The following HDAC4 variants were observed in gnomAD, a reference collection of about 807,000 sequenced individuals.
HDAC4 encodes the protein histone deacetylase A.
HDAC4 carries 16 observed loss-of-function variants against 135.1 expected under a neutral mutation model. That is an observed-to-expected ratio of 0.12 (90% CI 0.08 to 0.18). The LOEUF is 0.18. HDAC4 is among the 10% of genes least tolerant of loss of function. The probability of loss-of-function intolerance (pLI) is 1.00; values close to 1 mark genes in which losing one functional copy is unlikely to be tolerated. For missense variants in HDAC4, 1,143 were observed against 1,511.8 expected (o/e 0.76, Z 4.05); for synonymous variants, 685 against 653.4 (o/e 1.05, Z -0.74).
intron 3 of HDAC4, among the ~76,000 whole-genome samples, chr2:239,228,285 G>A (rs1040656628): frequency 2.0e-5 from 3 of 152,212 alleles, no homozygotes; most frequent in South Asian, 2.1e-4. Flanking sequence ...CAGGAAGACT[G>A]TGCTGCCCCC....
Position 239,051,912 on chromosome 2 carries a change from T to C in HDAC4, c.*1185A>G, listed in dbSNP as rs1028785048. The C allele has an allele frequency of 5.9e-5, 9 of 151,416 alleles. No homozygotes were observed. The highest frequency in any genetic ancestry group is 1.9e-4 in the African/African-American group (8 of 41,276). 9.4% of individuals were successfully genotyped at this position (151,416 alleles called of 1,614,324 possible). A position where few individuals can be genotyped will look rare whatever the true frequency, so the allele number is the denominator to read the frequency against. ...ATATTTTATCAAGATTTCATAAGAA[T>C]CAAGTAAGTTTCTTAGCTTGGAATA... On this transcript the variant is annotated 3_prime_UTR_variant, in exon 27 of 27. Transcript: ENST00000543185.
chr2:239,173,052 T>C (rs1396367745), intron 5 of HDAC4, among the ~76,000 whole-genome samples: 1 of 152,238 alleles, frequency 6.6e-6, no homozygotes, highest in Non-Finnish European at 1.5e-5. Flanking sequence ...AAGATGGCTT[T>C]AGCAGTAAGT....
intron 7 of HDAC4, among the ~76,000 whole-genome samples, chr2:239,145,217 T>C (rs1239581184): frequency 6.6e-6 from 1 of 152,152 alleles, no homozygotes; most frequent in African/African-American, 2.4e-5. Flanking sequence ...GTTGCACACT[T>C]TCTTGCTCGC....
intron 2 of HDAC4, among the ~76,000 whole-genome samples, chr2:239,312,426 C>T (rs2052926833): frequency 6.6e-6 from 1 of 152,204 alleles, no homozygotes; most frequent in Admixed American, 6.5e-5. Flanking sequence ...AGCCCACACG[C>T]AGGGCACGCA....
At chr2:239,329,801 C>T (rs888607915) in intron 2 of HDAC4, among the ~76,000 whole-genome samples, 3 of 152,140 alleles carry the variant, frequency 2.0e-5, no homozygotes, top group East Asian at 1.9e-4. Flanking sequence ...CGCTGGGCTC[C>T]GTGCCTGCCT....
chr2:239,316,119 C>A (rs1025809045), intron 2 of HDAC4, among the ~76,000 whole-genome samples: 1 of 152,214 alleles, frequency 6.6e-6, no homozygotes, highest in Admixed American at 6.5e-5. Context: ...TATCCTTCAT[C>A]TACCAAATCA....
At chr2:239,278,843 G>A (rs773813795) in intron 2 of HDAC4, among the ~76,000 whole-genome samples, 2 of 152,132 alleles carry the variant, frequency 1.3e-5, no homozygotes, top group African/African-American at 2.4e-5. Flanking sequence ...ATTGGGGCCG[G>A]GGCCGGGAAG....
At chr2:239,198,425 G>C (rs1559214761) in intron 3 of HDAC4, among the ~76,000 whole-genome samples, 1 of 152,202 alleles carries the variant, frequency 6.6e-6, no homozygotes. Flanking sequence ...CCTGGGACTA[G>C]AGGGTGAGAG....
intron 17 of HDAC4, among the ~76,000 whole-genome samples, chr2:239,090,661 A>AAT (rs1322038766): frequency 6.6e-6 from 1 of 151,526 alleles, no homozygotes; most frequent in East Asian, 1.9e-4. Flanking sequence ...AAAAAAAAAA[A>AAT]ACTGGAAACT....
At chr2:239,132,355 G>A (rs1441317097) in intron 11 of HDAC4, among the ~76,000 whole-genome samples, 2 of 152,226 alleles carry the variant, frequency 1.3e-5, no homozygotes, top group Admixed American at 6.5e-5. Flanking sequence ...CACTGGCTCC[G>A]AGGCTCCCTG....
At chr2:239,223,998 C>T (rs974582815) in intron 3 of HDAC4, among the ~76,000 whole-genome samples, 1 of 152,062 alleles carries the variant, frequency 6.6e-6, no homozygotes, top group Non-Finnish European at 1.5e-5. Context: ...AGCGCAGGCT[C>T]GCCAACGCCT....
At chr2:239,082,942 G>A (rs1288757342) in intron 20 of HDAC4, among the ~76,000 whole-genome samples, 3 of 152,240 alleles carry the variant, frequency 2.0e-5, no homozygotes, top group Non-Finnish European at 4.4e-5. Flanking sequence ...TGCCTGAGAA[G>A]ACAGCATGCA....
intron 1 of HDAC4, among the ~76,000 whole-genome samples, chr2:239,374,799 GA>G (rs1383714634): frequency 3.3e-5 from 5 of 152,210 alleles, no homozygotes; most frequent in Non-Finnish European, 7.3e-5. Context: ...TCAAATTTCA[GA>G]TAAAATGAAA....
intron 3 of HDAC4, among the ~76,000 whole-genome samples, chr2:239,200,683 A>G (rs80072231): frequency 1.3e-5 from 2 of 152,378 alleles, no homozygotes; most frequent in African/African-American, 2.4e-5. Flanking sequence ...ATGTAAAGAA[A>G]TAAATGCAAA....
chr2:239,385,142 G>A (rs758047904), intron 1 of HDAC4, among the ~76,000 whole-genome samples: 8 of 152,210 alleles, frequency 5.3e-5, no homozygotes, highest in African/African-American at 1.7e-4. Flanking sequence ...TGGCACAATC[G>A]GAGGCCCATA....
chr2:239,197,882 T>TGTGTGTGTGTGTGTGC (rs796837146), intron 3 of HDAC4, among the ~76,000 whole-genome samples: 14 of 150,304 alleles, frequency 9.3e-5, no homozygotes, highest in African/African-American at 3.0e-4. Context: ...TGTGTGTGTG[T>TGTGTGTGTGTGTGTGC]GCTGAGTGTC....
chr2:239,136,716 A>T (rs2152890639), intron 9 of HDAC4, among the ~76,000 whole-genome samples: 1 of 152,340 alleles, frequency 6.6e-6, no homozygotes, highest in East Asian at 1.9e-4. Context: ...CCAGTATAAA[A>T]GTGGGCCAAG....
intron 3 of HDAC4, among the ~76,000 whole-genome samples, chr2:239,219,583 C>G (rs1173576234): frequency 2.6e-5 from 4 of 151,694 alleles, no homozygotes; most frequent in Non-Finnish European, 5.9e-5. Flanking sequence ...CTAACCTGCA[C>G]ATTGTGCACA....
At chr2:239,235,284 G>A (rs941844957) in intron 3 of HDAC4, among the ~76,000 whole-genome samples, 2 of 152,248 alleles carry the variant, frequency 1.3e-5, no homozygotes, top group African/African-American at 4.8e-5. Flanking sequence ...CTCCGGGTTT[G>A]GAAAATGACA....
Sources: gnomAD v4.1 joint callset for allele counts (sites outside exome capture counted in the v4.1 genomes callset) on GRCh38, gnomAD v4.1.1 for gene constraint, MANE v1.5 for transcripts, NCBI Gene and HGNC (gene_info 2026-07-23, HGNC 2026-07-21) for gene names.